Variants in KIF5B observed in about 807,000 individuals in gnomAD.
KIF5B encodes kinesin family member 5B.
A neutral mutation model predicts 132.8 loss-of-function variants in KIF5B; 49 were observed. The observed-to-expected ratio is 0.37, with a 90% CI of 0.29 to 0.47. The LOEUF (loss-of-function observed/expected upper bound fraction) is 0.47, where lower values mean the gene tolerates loss of function less well. Among genes scored for constraint, KIF5B ranks in the 20% least tolerant of loss-of-function variants. The pLI, the probability that KIF5B is intolerant of heterozygous loss-of-function variation, is 1.00. For missense variants in KIF5B, 780 were observed against 1,144.0 expected (o/e 0.68, Z 4.59); for synonymous variants, 355 against 369.4 (o/e 0.96, Z 0.45).
intron 25 of KIF5B, among the ~76,000 whole-genome samples, chr10:32,015,230 CA>C (rs1841142826): frequency 6.6e-6 from 1 of 151,506 alleles, no homozygotes; most frequent in Non-Finnish European, 1.5e-5. Context: ...CATGTCTAGC[CA>C]AAAGGAAAGG....
chr10:32,050,718 G>C (rs1157778008), intron 1 of KIF5B, among the ~76,000 whole-genome samples: 1 of 152,218 alleles, frequency 6.6e-6, no homozygotes, highest in African/African-American at 2.4e-5. Context: ...AGGCATCGAT[G>C]TCTGATTATT....
intron 2 of KIF5B, 74 bp from the exon 3 acceptor site, chr10:32,040,531 G>A (rs903666162): frequency 4.9e-6 from 4 of 821,492 alleles, no homozygotes; most frequent in East Asian, 2.4e-5. Flanking sequence ...TTAAACTACA[G>A]GATGACAGGG....
intron 1 of KIF5B, among the ~76,000 whole-genome samples, chr10:32,053,649 G>A (rs1473116882): frequency 2.0e-5 from 3 of 151,688 alleles, no homozygotes; most frequent in East Asian, 1.9e-4. Context: ...GTTTGAACCC[G>A]GGAGGCGGAG....
rs1841050825 is a variant in KIF5B, at chr10:32,009,888, C to T, written c.*1649G>A. On this transcript the variant is annotated 3_prime_UTR_variant, in exon 26 of 26. Coordinates refer to ENST00000302418, the MANE Select transcript of KIF5B (RefSeq NM_004521.3). ...TTCTTCTGATCAATCCTAAAAGCAA[C>T]ACAATCATTTTAGAGGTTGCAGACT... 6.6e-6 allele frequency: 1 copy of T among 151,970 alleles called. No homozygotes were observed. The highest frequency in any genetic ancestry group is 1.5e-5 in the Non-Finnish European group (1 of 67,988). 9.4% of individuals were successfully genotyped at this position (151,970 alleles called of 1,614,324 possible). A position where few individuals can be genotyped will look rare whatever the true frequency, so the allele number is the denominator to read the frequency against.
At chr10:32,044,681 T>TA (rs879367290) in intron 2 of KIF5B, among the ~76,000 whole-genome samples, 1,488 of 142,256 alleles carry the variant, frequency 0.01, 19 homozygotes, top group African/African-American at 0.035. Context: ...CGTCTCAATT[T>TA]AAAAAAAAAA....
At chr10:32,017,075 T>C in intron 24 of KIF5B, 68 bp downstream of exon 24, 1 of 1,307,504 alleles carries the variant, frequency 7.6e-7, no homozygotes, top group Non-Finnish European at 1.1e-6. Context: ...AAATTCGGAT[T>C]ACGTTTTCCA....
chr10:32,055,792 C>T, intron 1 of KIF5B, 56 bp downstream of exon 1: 1 of 1,596,468 alleles, frequency 6.3e-7, no homozygotes, highest in Non-Finnish European at 8.5e-7. Flanking sequence ...CCCTAAACTC[C>T]CCGCACAGGC....
chr10:32,012,652 T>C (rs948574088), intron 25 of KIF5B, among the ~76,000 whole-genome samples: 1 of 152,206 alleles, frequency 6.6e-6, no homozygotes, highest in Admixed American at 6.5e-5. Context: ...CTCCCTCCCT[T>C]ATGTGCTAAC....
In KIF5B at chr10:32,048,554, G is replaced by GA. The variant is rs1841645799; in HGVS notation, c.127-4dup. 1.2e-6 allele frequency: 2 copies of GA among 1,605,196 alleles called. No individual in the cohort carries two copies. Among genetic ancestry groups the GA allele is most frequent in the Admixed American group, 1.7e-5 (1 of 57,962 alleles). ...CGATCAAATGCATAAGGCTTGGACT[G>GA]AAAAACAAAAAAGTGTTTCAACTAT... On this transcript the variant is annotated splice_polypyrimidine_tract_variant and splice_region_variant and intron_variant, in intron 1 of 25. Transcript: ENST00000302418.
chr10:32,049,648 G>T (rs1841662956), intron 1 of KIF5B, among the ~76,000 whole-genome samples: 2 of 151,788 alleles, frequency 1.3e-5, no homozygotes, highest in Admixed American at 1.3e-4. Context: ...TGATCTTCTG[G>T]ACCCCAGAAA....
rs1841209867 is a variant in KIF5B, at chr10:32,018,535, T to G, written c.2334A>C (p.Ala778=). 2.5e-6 allele frequency: 4 copies of G among 1,613,528 alleles called. No homozygotes were observed. Among genetic ancestry groups the G allele is most frequent in the Non-Finnish European group, 3.4e-6 (4 of 1,179,634 alleles). Residue 778 remains alanine, a synonymous_variant, in exon 21 of 26, where the codon GCA becomes GCC. Coordinates refer to ENST00000302418, the MANE Select transcript of KIF5B (RefSeq NM_004521.3). ...CTTCCAAACCCTTCAAGTCTTGTCT[T>G]GCTTGTTCTCGTCTATCTTGCATAA... is the stretch of plus-strand genomic sequence containing the variant. ...LTVMQDRREQ[A]RQDLKGLEET...
rs1339969129 is a variant in KIF5B at position 32,037,235 on chromosome 10, A to G, written c.711+19T>C. ...TACAAAGATGCTTAAATATTTGTCA[A>G]AATACATGAAGACTTTACCTTTTCA... On this transcript the variant is annotated intron_variant, in intron 8 of 25. Transcript: ENST00000302418. 1 of 1,603,618 alleles carries G rather than the reference A, an allele frequency of 6.2e-7. No homozygotes were observed. The highest frequency in any genetic ancestry group is 1.1e-5 in the South Asian group (1 of 88,872).
chr10:32,014,996 G>A (rs1841139315), intron 25 of KIF5B, among the ~76,000 whole-genome samples: 4 of 152,004 alleles, frequency 2.6e-5, no homozygotes, highest in Admixed American at 1.3e-4. Flanking sequence ...ATGGTGGCAG[G>A]CGCCTGTAAT....
chr10:32,029,552 TATG>T (rs762464602), intron 14 of KIF5B, among the ~76,000 whole-genome samples: 1 of 152,196 alleles, frequency 6.6e-6, no homozygotes, highest in Non-Finnish European at 1.5e-5. Context: ...TAATCTACAA[TATG>T]ATACCAATTA....
chr10:32,017,665 T>C (rs1339738872), intron 23 of KIF5B, among the ~76,000 whole-genome samples: 1 of 152,174 alleles, frequency 6.6e-6, no homozygotes, highest in African/African-American at 2.4e-5. Context: ...CTAATCTGGT[T>C]AAATGAAAAC....
chr10:32,012,402 G>C (rs1455578325), intron 25 of KIF5B, among the ~76,000 whole-genome samples: 1 of 152,166 alleles, frequency 6.6e-6, no homozygotes, highest in Non-Finnish European at 1.5e-5. Flanking sequence ...CTTGAACCCG[G>C]GAAGCAGAGG....
chr10:32,021,515 T>TC, intron 17 of KIF5B, among the ~76,000 whole-genome samples: 1 of 151,770 alleles, frequency 6.6e-6, no homozygotes, highest in East Asian at 1.9e-4. Flanking sequence ...GTTTTTTTTT[T>TC]TTTGGCCTAA....
In KIF5B at chr10:32,031,347, C is replaced by T. The variant is rs944813741; in HGVS notation, c.1375-68G>A. On this transcript the variant is annotated intron_variant, in intron 13 of 25. Transcript: ENST00000302418. ...GTTTTAAAAAACACCCATGAAGCTTCACCATTTGTCAAGAACAAATGGAGT... is the reference window on the plus strand; with the variant it reads ...GTTTTAAAAAACACCCATGAAGCTTTACCATTTGTCAAGAACAAATGGAGT... 1.0e-5 allele frequency: 12 copies of T among 1,193,492 alleles called. No homozygotes were observed. The African/African-American group carries it at 1.7e-4, about 17-fold the overall frequency. The allele number at this position is 1,193,492 out of a possible 1,614,324, so 73.9% of individuals were successfully genotyped here.
intron 15 of KIF5B, among the ~76,000 whole-genome samples, chr10:32,027,640 G>C (rs574921842): frequency 6.8e-6 from 1 of 147,954 alleles, no homozygotes; most frequent in Admixed American, 6.7e-5. Flanking sequence ...TTCCAGATAG[G>C]GTCTCACTGT....
Sources: gnomAD v4.1 joint callset for allele counts (sites outside exome capture counted in the v4.1 genomes callset) on GRCh38, gnomAD v4.1.1 for gene constraint, MANE v1.5 for transcripts, NCBI Gene and HGNC (gene_info 2026-07-23, HGNC 2026-07-21) for gene names.